Variants in NALCN observed in about 807,000 individuals in gnomAD.
NALCN encodes the protein sodium leak channel NALCN.
NALCN carries 111 observed loss-of-function variants against 225.3 expected under a neutral mutation model. That is an observed-to-expected ratio of 0.49 (90% CI 0.42 to 0.58). The LOEUF (loss-of-function observed/expected upper bound fraction) is 0.58, where lower values mean the gene tolerates loss of function less well. Among genes scored for constraint, NALCN ranks in the 20% least tolerant of loss-of-function variants. The probability of loss-of-function intolerance (pLI) is 0.00; values close to 1 mark genes in which losing one functional copy is unlikely to be tolerated. For synonymous variants in NALCN, 764 were observed against 769.0 expected (o/e 0.99, Z 0.11); for missense variants, 1,378 against 2,202.4 (o/e 0.63, Z 7.49).
chr13:101,062,219 G>A, intron 40 of NALCN, 101 bp from the exon 41 acceptor site: 1 of 1,402,508 alleles, frequency 7.1e-7, no homozygotes, highest in Non-Finnish European at 9.6e-7. Context: ...AGTCTAATAA[G>A]TCTAGTGTTT....
intron 7 of NALCN, among the ~76,000 whole-genome samples, chr13:101,311,736 T>C (rs1383637842): frequency 6.6e-6 from 1 of 152,162 alleles, no homozygotes; most frequent in African/African-American, 2.4e-5. Flanking sequence ...GATAAGCTTT[T>C]TGATGTGCTG....
intron 15 of NALCN, among the ~76,000 whole-genome samples, chr13:101,160,645 TTTTTG>T (rs917625050): frequency 5.3e-5 from 8 of 152,132 alleles, no homozygotes; most frequent in South Asian, 2.1e-4. Context: ...CCTGTTCTGT[TTTTTG>T]TTTTGTTTTG....
At position 101,194,325 on chromosome 13, in the gene NALCN, A is replaced by G. The variant is rs996783966; in HGVS notation, c.1627-2271T>C. Among the ~76,000 whole-genome samples the G allele has an allele frequency of 9.6e-4, 146 of 152,192 alleles. 1 individual carries two copies. Among genetic ancestry groups the G allele is most frequent in the Non-Finnish European group, 7.5e-4 (51 of 68,036 alleles). On this transcript the variant is annotated intron_variant, in intron 13 of 43. Coordinates refer to ENST00000251127, the MANE Select transcript of NALCN (RefSeq NM_052867.4). The stretch of plus-strand genomic sequence containing the variant: ...TGAGATGCACTAAATTATATTTGCG[A>G]ACAAGGCTTTCTGTGACAATGGGAT...
chr13:101,251,971 A>G (rs963226626), intron 11 of NALCN, among the ~76,000 whole-genome samples: 1 of 152,214 alleles, frequency 6.6e-6, no homozygotes, highest in African/African-American at 2.4e-5. Context: ...TTTAATAACT[A>G]AAACTGCTCA....
intron 1 of NALCN, among the ~76,000 whole-genome samples, chr13:101,410,847 C>T (rs868477596): frequency 6.6e-6 from 1 of 152,174 alleles, no homozygotes; most frequent in Non-Finnish European, 1.5e-5. Context: ...GCTCGATGAT[C>T]GGAAATTATT....
At chr13:101,103,065 A>T in intron 26 of NALCN, 107 bp downstream of exon 26, 1 of 1,383,280 alleles carries the variant, frequency 7.2e-7, no homozygotes, top group Non-Finnish European at 9.8e-7. Context: ...TCTGGCAATA[A>T]CCAAAACTAT....
chr13:101,317,102 A>C (rs1322907981), intron 7 of NALCN, among the ~76,000 whole-genome samples: 2 of 152,164 alleles, frequency 1.3e-5, no homozygotes, highest in African/African-American at 4.8e-5. Context: ...AACCAAAGCC[A>C]AATTTTGTTT....
At chr13:101,140,127 T>C (rs1481450026) in intron 17 of NALCN, among the ~76,000 whole-genome samples, 4 of 152,184 alleles carry the variant, frequency 2.6e-5, no homozygotes, top group Non-Finnish European at 5.9e-5. Flanking sequence ...GCCACTCCCA[T>C]AATAGGGTCC....
intron 11 of NALCN, 64 bp downstream of exon 11, chr13:101,258,379 A>G (rs2042308790): frequency 1.6e-5 from 25 of 1,600,476 alleles, no homozygotes; most frequent in Non-Finnish European, 2.0e-5. Context: ...TGCATCTCTA[A>G]GAGGCACTGT....
In NALCN at chr13:101,122,672, C is replaced by T. The variant is rs566479970; in HGVS notation, c.2192+1936G>A. On this transcript the variant is annotated intron_variant, in intron 18 of 43. Coordinates refer to ENST00000251127, the MANE Select transcript of NALCN (RefSeq NM_052867.4). ...TTAAGAAAATATTGGAGACTCTTCG[C>T]CATCCAATCTATTCAATTTTATGAC... Among the ~76,000 whole-genome samples, 11 of 152,300 alleles carry T rather than the reference C, an allele frequency of 7.2e-5. No homozygotes were observed. The East Asian group carries it at 2.1e-3, about 29-fold the overall frequency.
intron 15 of NALCN, among the ~76,000 whole-genome samples, chr13:101,150,074 T>A (rs1297543468): frequency 1.1e-5 from 1 of 94,938 alleles, no homozygotes; most frequent in Non-Finnish European, 2.1e-5. Context: ...ATGAGTGAAC[T>A]ACATCTCAGT....
rs113210356 is a variant in NALCN, at chr13:101,178,281, G to C, written c.1765-1907C>G. ...CCCCTTCTCTCACACCTGGGCACTG[G>C]AGCAGGCATTGTTCTGTGTCCTAAT... On this transcript the variant is annotated intron_variant, in intron 14 of 43. Transcript: ENST00000251127. 1.2e-3 allele frequency among the ~76,000 whole-genome samples: 179 copies of C among 152,158 alleles called. 3 individuals are homozygous for C. Among genetic ancestry groups the C allele is most frequent in the African/African-American group, 4.1e-3 (172 of 41,530 alleles).
intron 6 of NALCN, chr13:101,372,965 A>T: frequency 4.3e-6 from 1 of 234,658 alleles, no homozygotes; most frequent in South Asian, 4.8e-5. Flanking sequence ...ACAAATTATC[A>T]ATGTCAGGAA....
chr13:101,161,782 G>T (rs1020224577), intron 15 of NALCN, among the ~76,000 whole-genome samples: 3 of 152,210 alleles, frequency 2.0e-5, no homozygotes. Flanking sequence ...TGAGGCAGGA[G>T]AATCGCTTGA....
At chr13:101,300,428 TTCTC>T (rs946664133) in intron 7 of NALCN, among the ~76,000 whole-genome samples, 10 of 147,432 alleles carry the variant, frequency 6.8e-5, no homozygotes, top group African/African-American at 1.8e-4. Flanking sequence ...TCTCTTTTTT[TTCTC>T]TCTCTTTCTT....
chr13:101,415,609 G>T (rs2047920778), intron 1 of NALCN, among the ~76,000 whole-genome samples: 1 of 152,220 alleles, frequency 6.6e-6, no homozygotes. Flanking sequence ...CCTTGCTGGT[G>T]TCTTAAAGAT....
chr13:101,101,874 G>A (rs1021555405), intron 26 of NALCN, among the ~76,000 whole-genome samples: 4 of 152,026 alleles, frequency 2.6e-5, no homozygotes, highest in Non-Finnish European at 5.9e-5. Context: ...TTAGGGAAAG[G>A]CACAAATTCT....
rs758909798 is a variant in NALCN, at chr13:101,104,262, C to T, written c.2889+33G>A. On this transcript the variant is annotated intron_variant, in intron 25 of 43. Transcript: ENST00000251127. This position sits in a 1 kb window ranked among gnomAD's most constrained non-coding sequence, Gnocchi z 4.2. ...TGCAGGAGATTTTACAAAACCATTA[C>T]ATTTTTCATTTAGGCAATAAGCAAA... 11 of 1,566,270 alleles carry T rather than the reference C, an allele frequency of 7.0e-6. No homozygotes were observed. In the Middle Eastern group the frequency reaches 1.6e-3, roughly 222 times the overall value.
At chr13:101,197,736 A>G (rs1257215614) in intron 13 of NALCN, among the ~76,000 whole-genome samples, 2 of 152,192 alleles carry the variant, frequency 1.3e-5, no homozygotes, top group East Asian at 1.9e-4. Context: ...AAATAAGTAA[A>G]TCAAAAGCAT....
Sources: gnomAD v4.1 joint callset for allele counts (sites outside exome capture counted in the v4.1 genomes callset) on GRCh38, gnomAD v4.1.1 for gene constraint, Gnocchi (gnomAD v3.1) non-coding constraint, MANE v1.5 for transcripts, NCBI Gene and HGNC (gene_info 2026-07-23, HGNC 2026-07-21) for gene names.